The following GPC6 variants were observed in gnomAD, a reference collection of about 807,000 sequenced individuals.
The protein encoded by GPC6 is glypican 6.
Under a neutral mutation model 55.2 loss-of-function variants are expected in GPC6, and 14 were observed. The observed-to-expected ratio is 0.25, with a 90% CI of 0.17 to 0.40. The LOEUF is 0.40. Among genes scored for constraint, GPC6 ranks in the 10% least tolerant of loss-of-function variants. The pLI is 1.00. For missense variants in GPC6, 641 were observed against 708.5 expected (o/e 0.90, Z 1.08); for synonymous variants, 278 against 259.6 (o/e 1.07, Z -0.68).
intron 4 of GPC6, among the ~76,000 whole-genome samples, chr13:94,208,151 C>T (rs1217173676): frequency 6.6e-6 from 1 of 152,036 alleles, no homozygotes; most frequent in Admixed American, 6.6e-5. Flanking sequence ...TGCTTGGTGC[C>T]AGTTAATTGG....
At chr13:93,359,605 A>G (rs16952678) in intron 1 of GPC6, among the ~76,000 whole-genome samples, 3,888 of 152,320 alleles carry the variant, frequency 0.026, 178 homozygotes, top group African/African-American at 0.088. Context: ...TGGACCTTAA[A>G]TATAGTTAAG....
chr13:94,023,881 G>C (rs1156604695), intron 3 of GPC6, among the ~76,000 whole-genome samples: 2 of 151,890 alleles, frequency 1.3e-5, no homozygotes, highest in African/African-American at 2.4e-5. Context: ...AAGCTCAAAA[G>C]GTTACTTATT....
In GPC6 at chr13:93,596,610, AATATAT is replaced by A. The variant is rs66682625; in HGVS notation, c.319+51209_319+51214del. 2.7e-4 allele frequency among the ~76,000 whole-genome samples: 36 copies of A among 132,864 alleles called. 1 individual carries two copies. Among genetic ancestry groups the A allele is most frequent in the East Asian group, 6.3e-4 (3 of 4,760 alleles). 87.2% of individuals were successfully genotyped at this position (132,864 alleles called of 152,430 possible). A position where few individuals can be genotyped will look rare whatever the true frequency, so the allele number is the denominator to read the frequency against. On this transcript the variant is annotated intron_variant, in intron 2 of 8. Coordinates refer to ENST00000377047, the MANE Select transcript of GPC6 (RefSeq NM_005708.5). The stretch of plus-strand genomic sequence containing the variant: ...TGTGAAATAAATAAATAAATAAATA[AATATAT>A]ATATATATATATATATATAATGTAT...
intron 1 of GPC6, among the ~76,000 whole-genome samples, chr13:93,282,337 G>C (rs1356816895): frequency 6.6e-6 from 1 of 151,978 alleles, no homozygotes; most frequent in Non-Finnish European, 1.5e-5. Flanking sequence ...TTATCTAAGG[G>C]GGATCCATCA....
intron 2 of GPC6, among the ~76,000 whole-genome samples, chr13:93,631,297 C>CT (rs1264614005): frequency 6.6e-6 from 1 of 152,140 alleles, no homozygotes; most frequent in African/African-American, 2.4e-5. Context: ...GCATGAACTT[C>CT]TGTGGCTCTA....
intron 2 of GPC6, among the ~76,000 whole-genome samples, chr13:93,713,545 G>A (rs1185755695): frequency 3.3e-5 from 5 of 151,640 alleles, no homozygotes; most frequent in Non-Finnish European, 7.4e-5. Flanking sequence ...CTGTCACCCA[G>A]GCTGGAGTGC....
At chr13:93,670,011 C>T (rs911370926) in intron 2 of GPC6, among the ~76,000 whole-genome samples, 3 of 152,136 alleles carry the variant, frequency 2.0e-5, no homozygotes, top group Non-Finnish European at 4.4e-5. Flanking sequence ...CAGCTTCAGT[C>T]GCTTGAGTAC....
intron 1 of GPC6, among the ~76,000 whole-genome samples, chr13:93,518,148 C>G (rs1459706823): frequency 1.3e-5 from 2 of 151,892 alleles, no homozygotes. Flanking sequence ...AGCACAGGAG[C>G]TCACAGAATC....
chr13:93,596,081 C>T (rs1877714258), intron 2 of GPC6, among the ~76,000 whole-genome samples: 1 of 152,160 alleles, frequency 6.6e-6, no homozygotes, highest in East Asian at 1.9e-4. Flanking sequence ...ACAGATATTG[C>T]ATTATTCAGC....
chr13:93,983,032 C>T (rs939220480), intron 3 of GPC6, among the ~76,000 whole-genome samples: 4 of 151,924 alleles, frequency 2.6e-5, no homozygotes, highest in African/African-American at 4.8e-5. Context: ...GAGTTTTTGT[C>T]GTTGAAAAGG....
intron 3 of GPC6, among the ~76,000 whole-genome samples, chr13:93,831,981 T>C (rs1177757937): frequency 6.9e-6 from 1 of 145,186 alleles, no homozygotes; most frequent in Non-Finnish European, 1.5e-5. Flanking sequence ...TCCCAGCTAC[T>C]CTGGAGGCTG....
At position 93,975,424 on chromosome 13, in the gene GPC6, T is replaced by G. The variant is rs116549649; in HGVS notation, c.712-52305T>G. Among the ~76,000 whole-genome samples the G allele has an allele frequency of 2.2e-3, 341 of 152,214 alleles. 2 individuals are homozygous for G. The highest frequency in any genetic ancestry group is 7.8e-3 in the African/African-American group (325 of 41,532). ...TGAGTGCTGGGAGCATTTCCGTACT[T>G]TCTTCAAGTTATTCATGAATGATGA... is the stretch of plus-strand genomic sequence containing the variant. On this transcript the variant is annotated intron_variant, in intron 3 of 8. Transcript: ENST00000377047.
At chr13:93,295,290 CAAAAAAAA>C (rs67379652) in intron 1 of GPC6, among the ~76,000 whole-genome samples, 39 of 66,682 alleles carry the variant, frequency 5.8e-4, no homozygotes, top group African/African-American at 2.7e-3. Flanking sequence ...GACCCTGTCT[CAAAAAAAA>C]AAAAAAAAAA....
intron 4 of GPC6, among the ~76,000 whole-genome samples, chr13:94,150,573 C>T (rs1225364445): frequency 6.6e-6 from 1 of 151,930 alleles, no homozygotes; most frequent in African/African-American, 2.4e-5. Context: ...CTTTTATCCT[C>T]TCCACCTGCA....
chr13:94,022,490 T>G (rs1882734712), intron 3 of GPC6, among the ~76,000 whole-genome samples: 1 of 152,094 alleles, frequency 6.6e-6, no homozygotes, highest in Non-Finnish European at 1.5e-5. Flanking sequence ...CTTTCCATGA[T>G]GCACACCTGT....
chr13:94,084,529 G>A (rs77398750), intron 4 of GPC6, among the ~76,000 whole-genome samples: 1,571 of 152,180 alleles, frequency 0.01, 23 homozygotes, highest in African/African-American at 0.035. Flanking sequence ...GGATTTATAT[G>A]CAAATGAATT....
At chr13:94,157,187 G>A (rs535445841) in intron 4 of GPC6, among the ~76,000 whole-genome samples, 4 of 152,252 alleles carry the variant, frequency 2.6e-5, no homozygotes, top group Admixed American at 6.5e-5. Context: ...CTGGGCCTTA[G>A]CATTCTCATC....
intron 4 of GPC6, among the ~76,000 whole-genome samples, chr13:94,087,778 C>T (rs190122705): frequency 2.6e-4 from 40 of 152,284 alleles, no homozygotes; most frequent in African/African-American, 8.7e-4. Context: ...AATTATGTAA[C>T]GACATCATAG....
At chr13:93,943,070 A>G (rs183371674) in intron 3 of GPC6, among the ~76,000 whole-genome samples, 1 of 152,256 alleles carries the variant, frequency 6.6e-6, no homozygotes, top group Non-Finnish European at 1.5e-5. Context: ...GCTTTTCAAT[A>G]GCACTTTATT....
Sources: allele counts gnomAD v4.1 joint callset (sites outside exome capture counted in the v4.1 genomes callset), GRCh38; gene constraint gnomAD v4.1.1; transcripts MANE v1.5; gene names NCBI Gene and HGNC (gene_info 2026-07-23, HGNC 2026-07-21).